Variants in MAN1A1 observed in about 807,000 individuals in gnomAD.
MAN1A1 encodes mannosidase alpha class 1A member 1.
MAN1A1 carries 29 observed loss-of-function variants against 70.8 expected under a neutral mutation model. That is an observed-to-expected ratio of 0.41 (90% CI 0.31 to 0.56). The LOEUF is 0.56. Among genes scored for constraint, MAN1A1 ranks in the 20% least tolerant of loss-of-function variants. The pLI is 0.29. For synonymous variants in MAN1A1, 349 were observed against 330.1 expected (o/e 1.06, Z -0.62); for missense variants, 747 against 841.3 (o/e 0.89, Z 1.39).
chr6:119,244,048 G>A (rs955769719), intron 6 of MAN1A1, among the ~76,000 whole-genome samples: 38 of 152,160 alleles, frequency 2.5e-4, no homozygotes, highest in African/African-American at 8.9e-4. Flanking sequence ...CAGACTGTAT[G>A]CCCTGTGATA....
At chr6:119,244,359 T>G (rs913479909) in intron 6 of MAN1A1, among the ~76,000 whole-genome samples, 1 of 152,118 alleles carries the variant, frequency 6.6e-6, no homozygotes, top group Non-Finnish European at 1.5e-5. Flanking sequence ...AGCAGAGGTG[T>G]GTAACTTATG....
intron 4 of MAN1A1, among the ~76,000 whole-genome samples, chr6:119,298,173 C>T (rs1772273858): frequency 6.6e-6 from 1 of 152,096 alleles, no homozygotes; most frequent in African/African-American, 2.4e-5. Flanking sequence ...TTAGAAAATG[C>T]ATTCATGGAG....
chr6:119,330,036 G>T (rs1229444392), intron 2 of MAN1A1, among the ~76,000 whole-genome samples: 3 of 152,126 alleles, frequency 2.0e-5, no homozygotes, highest in African/African-American at 7.2e-5. Context: ...CTCTCTGATT[G>T]CTCCTTCTCT....
chr6:119,209,691 T>C (rs1417635507), intron 6 of MAN1A1, among the ~76,000 whole-genome samples: 1 of 152,202 alleles, frequency 6.6e-6, no homozygotes, highest in East Asian at 1.9e-4. Context: ...GAGCTTCACT[T>C]ACAAACGCGT....
intron 6 of MAN1A1, among the ~76,000 whole-genome samples, chr6:119,224,021 A>G (rs1378701560): frequency 6.6e-6 from 1 of 152,238 alleles, no homozygotes; most frequent in Non-Finnish European, 1.5e-5. Context: ...TTATATTTTA[A>G]GATGGCACAG....
intron 5 of MAN1A1, among the ~76,000 whole-genome samples, chr6:119,281,050 A>C (rs1037007947): frequency 6.6e-6 from 1 of 152,226 alleles, no homozygotes; most frequent in African/African-American, 2.4e-5. Flanking sequence ...TGTCAACTTT[A>C]CTGTTTCAAA....
At chr6:119,316,909 T>C (rs1772868451) in intron 2 of MAN1A1, among the ~76,000 whole-genome samples, 1 of 151,594 alleles carries the variant, frequency 6.6e-6, no homozygotes, top group South Asian at 2.1e-4. Flanking sequence ...CAAAGTCAGA[T>C]ATAGTTACCT....
chr6:119,328,675 T>C (rs1295731247), intron 2 of MAN1A1, among the ~76,000 whole-genome samples: 3 of 152,176 alleles, frequency 2.0e-5, no homozygotes, highest in Admixed American at 6.5e-5. Context: ...ATTTTGTAAA[T>C]TTGGAATCAA....
At chr6:119,309,107 T>C (rs1436676500) in intron 2 of MAN1A1, among the ~76,000 whole-genome samples, 1 of 152,202 alleles carries the variant, frequency 6.6e-6, no homozygotes, top group African/African-American at 2.4e-5. Flanking sequence ...ACGAAAATGA[T>C]GTGGTCAAAA....
In MAN1A1 at chr6:119,268,594, C is replaced by CT. The variant is rs5879495; in HGVS notation, c.898-20241dup. Among the ~76,000 whole-genome samples the CT allele has an allele frequency of 5.0e-3, 745 of 149,704 alleles. 6 individuals carry two copies. Among genetic ancestry groups the CT allele is most frequent in the African/African-American group, 0.017 (706 of 40,886 alleles). On this transcript the variant is annotated intron_variant, in intron 5 of 12. Coordinates refer to ENST00000368468, the MANE Select transcript of MAN1A1 (RefSeq NM_005907.4). The stretch of plus-strand genomic sequence containing the variant: ...ACTGGCTCTTCTTACTATTGTTTTA[C>CT]TTTTTTTTTTGAGACAGGGTCTCAC...
chr6:119,314,493 G>A (rs938323914), intron 2 of MAN1A1, among the ~76,000 whole-genome samples: 1 of 152,166 alleles, frequency 6.6e-6, no homozygotes, highest in Non-Finnish European at 1.5e-5. Context: ...CCTCTCTGGG[G>A]TATTATTATC....
intron 2 of MAN1A1, among the ~76,000 whole-genome samples, chr6:119,318,650 GA>G (rs1772919477): frequency 6.6e-6 from 1 of 152,136 alleles, no homozygotes; most frequent in African/African-American, 2.4e-5. Context: ...AAACCTTGCA[GA>G]TACAGGGAAA....
intron 5 of MAN1A1, among the ~76,000 whole-genome samples, chr6:119,286,831 T>A (rs1776386603): frequency 6.6e-6 from 1 of 152,114 alleles, no homozygotes; most frequent in Non-Finnish European, 1.5e-5. Context: ...CAGATTACAT[T>A]TTTTCAGGTA....
At chr6:119,239,963 C>T (rs1324394932) in intron 6 of MAN1A1, among the ~76,000 whole-genome samples, 2 of 152,184 alleles carry the variant, frequency 1.3e-5, no homozygotes, top group East Asian at 1.9e-4. Context: ...TAGTTCTGTG[C>T]ATTTGAAAAA....
At chr6:119,331,529 T>C (rs195073) in intron 2 of MAN1A1, among the ~76,000 whole-genome samples, 26,122 of 146,294 alleles carry the variant, frequency 0.18, 2,671 homozygotes, top group Admixed American at 0.29. Context: ...GGTATTATTT[T>C]AGATAATTAT....
At chr6:119,189,512 T>TTAAAA in intron 10 of MAN1A1, 152 bp downstream of exon 10, 1 of 722,236 alleles carries the variant, frequency 1.4e-6, no homozygotes, top group Non-Finnish European at 2.3e-6. Context: ...GCATTGCCTT[T>TTAAAA]TAAAATAAAA....
At chr6:119,210,292 G>C (rs1443185507) in intron 6 of MAN1A1, among the ~76,000 whole-genome samples, 1 of 152,030 alleles carries the variant, frequency 6.6e-6, no homozygotes, top group African/African-American at 2.4e-5. Context: ...CAGATAAGTC[G>C]AGTGCAGTTT....
Position 119,333,739 on chromosome 6 carries a change from T to C in MAN1A1, c.603+14724A>G, listed in dbSNP as rs141474210. Among the ~76,000 whole-genome samples the C allele has an allele frequency of 4.8e-3, 732 of 152,352 alleles. 5 individuals are homozygous for C. The highest frequency in any genetic ancestry group is 0.017 in the African/African-American group (694 of 41,576). ...ACATAAATTCAGACTAGTTTTCTAA[T>C]AAATAATCTACTCCTGGTTAACTCA... On this transcript the variant is annotated intron_variant, in intron 2 of 12. Transcript: ENST00000368468.
intron 5 of MAN1A1, among the ~76,000 whole-genome samples, chr6:119,269,956 TG>T (rs1775870960): frequency 6.6e-6 from 1 of 152,196 alleles, no homozygotes; most frequent in Non-Finnish European, 1.5e-5. Flanking sequence ...TCACTGCCCA[TG>T]GCTTGAACTT....
Sources: gnomAD v4.1 joint callset for allele counts (sites outside exome capture counted in the v4.1 genomes callset) on GRCh38, gnomAD v4.1.1 for gene constraint, MANE v1.5 for transcripts, NCBI Gene and HGNC (gene_info 2026-07-23, HGNC 2026-07-21) for gene names.